Variants in DOK5 observed in about 807,000 individuals in gnomAD.
DOK5 encodes downstream of tyrosine kinase 5.
DOK5 carries 27 observed loss-of-function variants against 43.3 expected under a neutral mutation model. The observed-to-expected ratio is 0.62, with a 90% CI of 0.46 to 0.86. DOK5 has a LOEUF of 0.86. Ranked by LOEUF, DOK5 falls within the 40% of genes least tolerant of loss-of-function variation. The probability of loss-of-function intolerance (pLI) is 0.00; values close to 1 mark genes in which losing one functional copy is unlikely to be tolerated. For missense variants in DOK5, 373 were observed against 392.9 expected (o/e 0.95, Z 0.43); for synonymous variants, 146 against 140.1 (o/e 1.04, Z -0.30).
At chr20:54,625,010 T>C (rs1698773881) in intron 6 of DOK5, among the ~76,000 whole-genome samples, 1 of 152,154 alleles carries the variant, frequency 6.6e-6, no homozygotes, top group Admixed American at 6.5e-5. Flanking sequence ...CATTTTTTTT[T>C]CTAACATCGA....
At chr20:54,619,027 A>ATATT (rs1986903918) in intron 6 of DOK5, among the ~76,000 whole-genome samples, 1 of 21,294 alleles carries the variant, frequency 4.7e-5, no homozygotes, top group African/African-American at 3.0e-4. Context: ...AATAAATTAT[A>ATATT]TATATATATA....
At chr20:54,553,655 GGGA>G (rs1200896120) in intron 1 of DOK5, among the ~76,000 whole-genome samples, 1 of 150,924 alleles carries the variant, frequency 6.6e-6, no homozygotes, top group African/African-American at 2.4e-5. Context: ...CCAGCACTTT[GGGA>G]GGCCGAGGCG....
At chr20:54,593,504 T>TTG (rs1409771385) in intron 5 of DOK5, among the ~76,000 whole-genome samples, 10 of 152,304 alleles carry the variant, frequency 6.6e-5, no homozygotes, top group Admixed American at 1.3e-4. Context: ...TGTTCTTATT[T>TTG]TGTGAGAATT....
intron 1 of DOK5, among the ~76,000 whole-genome samples, chr20:54,477,018 A>C (rs1260289946): frequency 6.7e-6 from 1 of 148,244 alleles, no homozygotes; most frequent in African/African-American, 2.5e-5. Flanking sequence ...GTGCGTTTGG[A>C]CATAAGGGGT....
intron 1 of DOK5, among the ~76,000 whole-genome samples, chr20:54,534,137 C>T (rs1172826030): frequency 6.6e-6 from 1 of 152,176 alleles, no homozygotes; most frequent in Non-Finnish European, 1.5e-5. Context: ...GGAATTTGAG[C>T]TCAGGGTGCA....
chr20:54,618,447 G>A (rs1052392201), intron 6 of DOK5, among the ~76,000 whole-genome samples: 1 of 151,774 alleles, frequency 6.6e-6, no homozygotes, highest in African/African-American at 2.4e-5. Flanking sequence ...GGGTTCAAGC[G>A]ATTCTTCCCC....
intron 2 of DOK5, among the ~76,000 whole-genome samples, chr20:54,575,861 A>T (rs1358821332): frequency 6.6e-6 from 1 of 152,270 alleles, no homozygotes; most frequent in Non-Finnish European, 1.5e-5. Flanking sequence ...ACATTTATAT[A>T]TAAAGAGAGG....
At chr20:54,608,435 A>G (rs1445527134) in intron 5 of DOK5, among the ~76,000 whole-genome samples, 1 of 152,206 alleles carries the variant, frequency 6.6e-6, no homozygotes, top group Non-Finnish European at 1.5e-5. Flanking sequence ...AATAGAGTCA[A>G]GTTTGTATGG....
At chr20:54,526,858 A>C (rs1443119614) in intron 1 of DOK5, among the ~76,000 whole-genome samples, 1 of 152,172 alleles carries the variant, frequency 6.6e-6, no homozygotes, top group South Asian at 2.1e-4. Flanking sequence ...TCAGAGGTGG[A>C]GATGCTTTAA....
chr20:54,480,988 T>TGTC (rs1981662874), intron 1 of DOK5, among the ~76,000 whole-genome samples: 2 of 27,516 alleles, frequency 7.3e-5, no homozygotes, highest in African/African-American at 1.5e-4. Flanking sequence ...ATCTATCATC[T>TGTC]ATCATCTATC....
At chr20:54,534,429 T>A (rs1364710815) in intron 1 of DOK5, among the ~76,000 whole-genome samples, 1 of 152,224 alleles carries the variant, frequency 6.6e-6, no homozygotes, top group African/African-American at 2.4e-5. Flanking sequence ...GCCCAAGTGA[T>A]CTGCCTGCCT....
At chr20:54,515,096 C>T (rs901875996) in intron 1 of DOK5, among the ~76,000 whole-genome samples, 10 of 151,924 alleles carry the variant, frequency 6.6e-5, no homozygotes, top group Non-Finnish European at 8.8e-5. Context: ...CTGTAATCTC[C>T]GCCTCCCAGG....
chr20:54,588,161 G>A (rs1473319179), intron 2 of DOK5, among the ~76,000 whole-genome samples: 1 of 152,138 alleles, frequency 6.6e-6, no homozygotes, highest in Non-Finnish European at 1.5e-5. Flanking sequence ...TATTGGTCAA[G>A]TGGAGTCTTT....
At chr20:54,634,600 C>T (rs1418538680) in intron 6 of DOK5, among the ~76,000 whole-genome samples, 3 of 151,852 alleles carry the variant, frequency 2.0e-5, no homozygotes, top group Non-Finnish European at 2.9e-5. Flanking sequence ...CGCCACCATG[C>T]CCGGCTAATT....
intron 6 of DOK5, among the ~76,000 whole-genome samples, chr20:54,622,708 G>A (rs1473226861): frequency 2.6e-5 from 4 of 152,128 alleles, no homozygotes; most frequent in Non-Finnish European, 5.9e-5. Flanking sequence ...GTCATGCCAC[G>A]ACCCTTCCCT....
chr20:54,562,740 TA>T (rs72087109), intron 2 of DOK5, among the ~76,000 whole-genome samples: 1 of 151,840 alleles, frequency 6.6e-6, no homozygotes, highest in East Asian at 1.9e-4. Flanking sequence ...ATATTTACAT[TA>T]AAAAAATCAA....
intron 1 of DOK5, among the ~76,000 whole-genome samples, chr20:54,501,239 G>A (rs1051945324): frequency 3.3e-5 from 5 of 151,796 alleles, no homozygotes; most frequent in Admixed American, 6.6e-5. Flanking sequence ...AGGCCAAGGC[G>A]GGTGGATCAG....
chr20:54,553,436 C>A (rs1040508358), intron 1 of DOK5, among the ~76,000 whole-genome samples: 1 of 151,814 alleles, frequency 6.6e-6, no homozygotes, highest in Non-Finnish European at 1.5e-5. Context: ...ACCTTGTGAT[C>A]CGCCGGCCTC....
At position 54,580,776 on chromosome 20, in the gene DOK5, T is replaced by G. The variant is rs950246241; in HGVS notation, c.175-7707T>G. Among the ~76,000 whole-genome samples, 20 of 152,304 alleles carry G rather than the reference T, an allele frequency of 1.3e-4. No homozygotes were observed. The South Asian group carries it at 1.7e-3, about 13-fold the overall frequency. On this transcript the variant is annotated intron_variant, in intron 2 of 7. Transcript: ENST00000262593. ...CGAATTTCTTATATATTTTGGCTAT[T>G]AACCCTTTATCAAGGATATGGTTTG...
Sources: gnomAD v4.1 joint callset for allele counts (sites outside exome capture counted in the v4.1 genomes callset) on GRCh38, gnomAD v4.1.1 for gene constraint, MANE v1.5 for transcripts, NCBI Gene and HGNC (gene_info 2026-07-23, HGNC 2026-07-21) for gene names.